RAB2A: variants seen among roughly 807,000 people sequenced by gnomAD.
RAB2A encodes the protein RAB2A, member RAS oncogene family.
In RAB2A, 7 loss-of-function variants were observed where a neutral mutation model predicts 32.5. That is an observed-to-expected ratio of 0.22 (90% confidence interval 0.12 to 0.40). The LOEUF (loss-of-function observed/expected upper bound fraction) is 0.40. Among genes scored for constraint, RAB2A ranks in the 10% least tolerant of loss-of-function variants. The pLI is 1.00. For missense variants in RAB2A, 108 were observed against 260.7 expected (o/e 0.41, Z 4.03); for synonymous variants, 79 against 85.2 (o/e 0.93, Z 0.40).
chr8:60,600,477 G>A (rs1217859025), intron 6 of RAB2A, among the ~76,000 whole-genome samples: 2 of 152,316 alleles, frequency 1.3e-5, no homozygotes, highest in African/African-American at 2.4e-5. Flanking sequence ...AAATAACACA[G>A]CCACTCTGGA....
intron 1 of RAB2A, among the ~76,000 whole-genome samples, chr8:60,533,074 T>C (rs759598509): frequency 5.9e-5 from 9 of 152,270 alleles, no homozygotes; most frequent in Non-Finnish European, 1.3e-4. Context: ...TAAAACCCAG[T>C]ATTTGCTTGT....
chr8:60,600,511 T>C (rs1804115674), intron 6 of RAB2A, among the ~76,000 whole-genome samples: 1 of 152,194 alleles, frequency 6.6e-6, no homozygotes, highest in Admixed American at 6.5e-5. Context: ...CTTTAAACAC[T>C]AAACATGCAG....
intron 6 of RAB2A, among the ~76,000 whole-genome samples, chr8:60,594,961 A>G (rs775236634): frequency 7.9e-4 from 120 of 152,130 alleles, no homozygotes; most frequent in Non-Finnish European, 1.5e-3. Context: ...AGTGTTTTGC[A>G]AGAGCAGAAA....
intron 2 of RAB2A, among the ~76,000 whole-genome samples, chr8:60,561,777 A>G (rs1344806219): frequency 6.6e-6 from 1 of 152,196 alleles, no homozygotes; most frequent in Non-Finnish European, 1.5e-5. Flanking sequence ...TTTGTACAAC[A>G]TGGTTTCCAA....
chr8:60,539,082 A>C (rs545232000), intron 1 of RAB2A, among the ~76,000 whole-genome samples: 1 of 152,126 alleles, frequency 6.6e-6, no homozygotes, highest in Admixed American at 6.5e-5. Context: ...AGAATAGTCT[A>C]TTACTTTGTG....
At chr8:60,552,142 A>G (rs1807862301) in intron 1 of RAB2A, among the ~76,000 whole-genome samples, 1 of 150,028 alleles carries the variant, frequency 6.7e-6, no homozygotes, top group Non-Finnish European at 1.5e-5. Context: ...AACTGGGATT[A>G]CAGGTGCCTG....
intron 6 of RAB2A, among the ~76,000 whole-genome samples, chr8:60,595,416 T>G (rs1306750946): frequency 6.6e-6 from 1 of 152,202 alleles, no homozygotes; most frequent in Non-Finnish European, 1.5e-5. Context: ...AATAACTAAA[T>G]GTTGGTGGTC....
At chr8:60,527,899 A>C (rs1807417070) in intron 1 of RAB2A, among the ~76,000 whole-genome samples, 1 of 152,232 alleles carries the variant, frequency 6.6e-6, no homozygotes, top group Non-Finnish European at 1.5e-5. Context: ...AACTCATTGA[A>C]TCTATGAGGA....
intron 6 of RAB2A, 40 bp from the exon 7 acceptor site, chr8:60,618,540 T>C: frequency 1.9e-6 from 2 of 1,033,608 alleles, no homozygotes; most frequent in Non-Finnish European, 1.3e-6. Flanking sequence ...TTTTACTGCT[T>C]TGGTTTTATA....
At chr8:60,595,157 C>T (rs1252175909) in intron 6 of RAB2A, among the ~76,000 whole-genome samples, 2 of 152,036 alleles carry the variant, frequency 1.3e-5, no homozygotes, top group African/African-American at 4.8e-5. Flanking sequence ...AATCTTAGAA[C>T]ACCATAAAGG....
At chr8:60,526,821 T>A (rs1807398658) in intron 1 of RAB2A, among the ~76,000 whole-genome samples, 1 of 151,884 alleles carries the variant, frequency 6.6e-6, no homozygotes, top group African/African-American at 2.4e-5. Context: ...TACAAAAAAT[T>A]AGCCAGGCGT....
chr8:60,601,350 T>C (rs1262072187), intron 6 of RAB2A, among the ~76,000 whole-genome samples: 4 of 152,170 alleles, frequency 2.6e-5, no homozygotes, highest in Non-Finnish European at 5.9e-5. Context: ...TTCTTTCTTT[T>C]TTTTTTTGAG....
chr8:60,541,514 C>G (rs1053341169), intron 1 of RAB2A, among the ~76,000 whole-genome samples: 1 of 152,120 alleles, frequency 6.6e-6, no homozygotes, highest in African/African-American at 2.4e-5. Flanking sequence ...CATGATGAAA[C>G]CCCATCTCTA....
At chr8:60,540,887 A>C (rs1413540529) in intron 1 of RAB2A, among the ~76,000 whole-genome samples, 1 of 152,220 alleles carries the variant, frequency 6.6e-6, no homozygotes, top group Non-Finnish European at 1.5e-5. Context: ...ATAAGACACA[A>C]TGGGTAAAAA....
rs2130830769 is a variant in RAB2A, at chr8:60,558,888, A to G, written c.83A>G (p.Asp28Gly). The stretch of plus-strand genomic sequence containing the variant: ...TCATGCTTATTGCTACAGTTTACAG[A>G]CAAGAGGTTTCAGCCAGTGCATGAC... ...GKSCLLLQFT[D>G]KRFQPVHDLT... Residue 28 changes from aspartate (D) to glycine (G), a missense_variant, in exon 2 of 8, where the codon GAC becomes GGC. This residue lies in a region of RAB2A where 0 missense variants were observed against 21.4 expected (regional missense o/e 0.00). Transcript: ENST00000262646. 1 of 1,613,442 alleles carries G rather than the reference A, an allele frequency of 6.2e-7. No individual in the cohort carries two copies. The highest frequency in any genetic ancestry group is 1.1e-5 in the South Asian group (1 of 90,990).
chr8:60,558,027 A>G (rs1352216114), intron 1 of RAB2A, among the ~76,000 whole-genome samples: 1 of 152,236 alleles, frequency 6.6e-6, no homozygotes, highest in African/African-American at 2.4e-5. Context: ...GGTTTTCCAC[A>G]CTACTGTATT....
At chr8:60,539,092 G>A (rs947329202) in intron 1 of RAB2A, among the ~76,000 whole-genome samples, 4 of 152,104 alleles carry the variant, frequency 2.6e-5, no homozygotes, top group African/African-American at 9.7e-5. Flanking sequence ...ATTACTTTGT[G>A]ATCTTTCCAG....
intron 1 of RAB2A, among the ~76,000 whole-genome samples, chr8:60,527,358 G>T (rs1341216938): frequency 6.6e-6 from 1 of 152,132 alleles, no homozygotes; most frequent in Non-Finnish European, 1.5e-5. Context: ...GGAGCAAATG[G>T]TAGAAACAGT....
chr8:60,540,129 T>C (rs1478310969), intron 1 of RAB2A, among the ~76,000 whole-genome samples: 1 of 150,566 alleles, frequency 6.6e-6, no homozygotes, highest in Non-Finnish European at 1.5e-5. Flanking sequence ...CATATTTTAA[T>C]ATAGTAGCGT....
Sources: gnomAD v4.1 joint callset for allele counts (sites outside exome capture counted in the v4.1 genomes callset) on GRCh38, gnomAD v4.1.1 for gene constraint, gnomAD v4.1.1 regional missense constraint, MANE v1.5 for transcripts, NCBI Gene and HGNC (gene_info 2026-07-23, HGNC 2026-07-21) for gene names.